The following CFDP1 variants were observed in gnomAD, a reference collection of about 807,000 sequenced individuals.
The protein encoded by CFDP1 is heterochromatin-stabilizing protein CFDP1.
Under a neutral mutation model 40.1 loss-of-function variants are expected in CFDP1, and 31 were observed. The observed-to-expected ratio is 0.77, with a 90% CI of 0.58 to 1.04. CFDP1 has a LOEUF of 1.04. CFDP1 is among the 50% of genes least tolerant of loss of function. CFDP1 has a pLI of 0.00. For missense variants in CFDP1, 423 were observed against 343.4 expected (o/e 1.23, Z -1.83); for synonymous variants, 167 against 120.0 (o/e 1.39, Z -2.56).
At chr16:75,301,320 T>G (rs182298934) in intron 6 of CFDP1, among the ~76,000 whole-genome samples, 5 of 152,122 alleles carry the variant, frequency 3.3e-5, no homozygotes, top group Admixed American at 6.6e-5. Context: ...GAAGAGTGCA[T>G]GAACTGGGCA....
chr16:75,326,708 C>G (rs1348738519), intron 5 of CFDP1, among the ~76,000 whole-genome samples: 1 of 152,100 alleles, frequency 6.6e-6, no homozygotes, highest in East Asian at 1.9e-4. Context: ...TAAAATCTTC[C>G]AAGGAGAGCG....
intron 5 of CFDP1, among the ~76,000 whole-genome samples, chr16:75,339,852 C>G (rs977494904): frequency 6.6e-5 from 10 of 152,200 alleles, no homozygotes; most frequent in African/African-American, 2.2e-4. Context: ...ATATGAACCA[C>G]TAATACCAAG....
At chr16:75,409,710 A>G (rs939457807) in intron 4 of CFDP1, among the ~76,000 whole-genome samples, 5 of 152,140 alleles carry the variant, frequency 3.3e-5, no homozygotes, top group Non-Finnish European at 5.9e-5. Context: ...CAATGTCTAC[A>G]AGTAATTCTC....
rs117496357 is a variant in CFDP1 at position 75,372,974 on chromosome 16, T to A, written c.650+22116A>T. Among the ~76,000 whole-genome samples, 986 of 152,234 alleles carry A rather than the reference T, an allele frequency of 6.5e-3. 8 individuals are homozygous for A. The highest frequency in any genetic ancestry group is 0.017 in the Middle Eastern group (5 of 294). On this transcript the variant is annotated intron_variant, in intron 5 of 6. Transcript: ENST00000283882. ...AACTGTAAAAGAAAAAAATTCAACATCTTGTTGTTTTAAAGGAGTTCCCCG... is the reference window on the plus strand; with the variant it reads ...AACTGTAAAAGAAAAAAATTCAACAACTTGTTGTTTTAAAGGAGTTCCCCG...
At chr16:75,295,542 C>A (rs1430812296) in intron 6 of CFDP1, among the ~76,000 whole-genome samples, 1 of 152,206 alleles carries the variant, frequency 6.6e-6, no homozygotes, top group Non-Finnish European at 1.5e-5. Context: ...CAGCTTCCAA[C>A]AGGCTCCCAA....
Position 75,354,648 on chromosome 16 carries a change from T to C in CFDP1, c.650+40442A>G, listed in dbSNP as rs773337652. ...CTCTGTTCCATCTTTCCAACTCTTC[T>C]GTAAGTCTAAAATGTGCTTCTTTTC... On this transcript the variant is annotated intron_variant, in intron 5 of 6. Transcript: ENST00000283882. Among the ~76,000 whole-genome samples, 40 of 152,194 alleles carry C rather than the reference T, an allele frequency of 2.6e-4. 1 individual carries two copies. The highest frequency in any genetic ancestry group is 3.4e-3 in the Middle Eastern group (1 of 294).
chr16:75,330,141 C>G (rs529479345), intron 5 of CFDP1, among the ~76,000 whole-genome samples: 1 of 152,152 alleles, frequency 6.6e-6, no homozygotes, highest in African/African-American at 2.4e-5. Context: ...ACTGCTGTAG[C>G]GAAAGCTCCT....
intron 1 of CFDP1, among the ~76,000 whole-genome samples, chr16:75,431,789 C>A (rs967735633): frequency 2.0e-5 from 3 of 152,080 alleles, no homozygotes; most frequent in Admixed American, 2.0e-4. Flanking sequence ...AAAAATGATA[C>A]CTACTATACA....
intron 5 of CFDP1, among the ~76,000 whole-genome samples, chr16:75,344,142 G>A (rs1031036239): frequency 6.6e-6 from 1 of 152,202 alleles, no homozygotes; most frequent in Non-Finnish European, 1.5e-5. Flanking sequence ...CTGGATGAAA[G>A]TAACTAACTT....
chr16:75,323,329 GA>G (rs2078379124), intron 5 of CFDP1, among the ~76,000 whole-genome samples: 1 of 151,724 alleles, frequency 6.6e-6, no homozygotes, highest in Non-Finnish European at 1.5e-5. Flanking sequence ...TGTCCCATTG[GA>G]AAGTCTTCAA....
At chr16:75,315,167 C>G (rs1411558025) in intron 5 of CFDP1, among the ~76,000 whole-genome samples, 16 of 151,684 alleles carry the variant, frequency 1.1e-4, no homozygotes, top group Admixed American at 1.1e-3. Flanking sequence ...ATGGCAAAAC[C>G]CCGTCTCTAC....
At chr16:75,428,461 A>T (rs2079367274) in intron 1 of CFDP1, among the ~76,000 whole-genome samples, 1 of 151,890 alleles carries the variant, frequency 6.6e-6, no homozygotes, top group South Asian at 2.1e-4. Flanking sequence ...TAAAATACAA[A>T]AACAAAATTA....
At chr16:75,398,404 G>C (rs2079016121) in intron 4 of CFDP1, among the ~76,000 whole-genome samples, 1 of 152,166 alleles carries the variant, frequency 6.6e-6, no homozygotes, top group Admixed American at 6.5e-5. Flanking sequence ...AGTTAGAGGG[G>C]GAGTCTGTGT....
At chr16:75,338,746 C>T (rs1157914408) in intron 5 of CFDP1, among the ~76,000 whole-genome samples, 4 of 152,112 alleles carry the variant, frequency 2.6e-5, no homozygotes, top group Non-Finnish European at 5.9e-5. Context: ...AACTGAGTTC[C>T]TGCACACCTG....
At chr16:75,358,266 G>A (rs1325373296) in intron 5 of CFDP1, among the ~76,000 whole-genome samples, 2 of 152,108 alleles carry the variant, frequency 1.3e-5, no homozygotes, top group Non-Finnish European at 2.9e-5. Flanking sequence ...AACCTTCAAT[G>A]TGTAAGAAAC....
chr16:75,375,731 C>T (rs1489993940), intron 5 of CFDP1, among the ~76,000 whole-genome samples: 1 of 148,378 alleles, frequency 6.7e-6, no homozygotes, highest in Non-Finnish European at 1.5e-5. Flanking sequence ...GTGGAGGTTG[C>T]AGTGAGCTGA....
At chr16:75,374,221 C>A (rs554389416) in intron 5 of CFDP1, among the ~76,000 whole-genome samples, 6 of 151,854 alleles carry the variant, frequency 4.0e-5, no homozygotes, top group Non-Finnish European at 8.8e-5. Context: ...CCACTGCACT[C>A]CCGAGACTGT....
chr16:75,336,899 T>C (rs984991744), intron 5 of CFDP1, among the ~76,000 whole-genome samples: 2 of 152,274 alleles, frequency 1.3e-5, no homozygotes, highest in Non-Finnish European at 2.9e-5. Flanking sequence ...GCCATTTGTA[T>C]TTCCTTTCTT....
chr16:75,300,056 G>A (rs202200585), intron 6 of CFDP1, among the ~76,000 whole-genome samples: 8 of 152,096 alleles, frequency 5.3e-5, no homozygotes, highest in Admixed American at 3.3e-4. Flanking sequence ...GGGGTGTTCC[G>A]CAGGGAAGAG....
Sources: gnomAD v4.1 joint callset for allele counts (sites outside exome capture counted in the v4.1 genomes callset) on GRCh38, gnomAD v4.1.1 for gene constraint, MANE v1.5 for transcripts, NCBI Gene and HGNC (gene_info 2026-07-23, HGNC 2026-07-21) for gene names.